AGBL4: variants seen among roughly 807,000 people sequenced by gnomAD.
AGBL4 encodes cytosolic carboxypeptidase 6.
A neutral mutation model predicts 66.4 loss-of-function variants in AGBL4; 58 were observed. The ratio of observed to expected loss-of-function variants is 0.87; its 90% CI spans 0.71 to 1.09. AGBL4 has a LOEUF of 1.09. Ranked by LOEUF, AGBL4 falls within the 50% of genes least tolerant of loss-of-function variation. The pLI is 0.00. For missense variants in AGBL4, 579 were observed against 631.0 expected (o/e 0.92, Z 0.88); for synonymous variants, 234 against 222.9 (o/e 1.05, Z -0.44).
chr1:49,329,431 T>G (rs1645287441), intron 3 of AGBL4, among the ~76,000 whole-genome samples: 1 of 152,110 alleles, frequency 6.6e-6, no homozygotes, highest in Non-Finnish European at 1.5e-5. Flanking sequence ...TTTGGGAGGC[T>G]GAGGCGGGTG....
At chr1:49,410,861 T>C (rs1645300771) in intron 3 of AGBL4, among the ~76,000 whole-genome samples, 1 of 152,202 alleles carries the variant, frequency 6.6e-6, no homozygotes, top group African/African-American at 2.4e-5. Context: ...GGCATGATAC[T>C]CACTGCACTT....
At chr1:49,569,025 A>G (rs1229846020) in intron 3 of AGBL4, among the ~76,000 whole-genome samples, 1 of 152,218 alleles carries the variant, frequency 6.6e-6, no homozygotes, top group South Asian at 2.1e-4. Flanking sequence ...TGATACATAG[A>G]CACAATGGAG....
At chr1:49,068,458 T>A (rs886713634) in intron 4 of AGBL4, among the ~76,000 whole-genome samples, 2 of 145,204 alleles carry the variant, frequency 1.4e-5, no homozygotes, top group African/African-American at 5.1e-5. Flanking sequence ...TCAACTCCCA[T>A]TTATGAGTGA....
At chr1:48,856,740 T>A (rs888066964) in intron 6 of AGBL4, among the ~76,000 whole-genome samples, 2 of 152,350 alleles carry the variant, frequency 1.3e-5, no homozygotes, top group Admixed American at 6.5e-5. Flanking sequence ...ACTTTGTGAA[T>A]ATTTGCAGTA....
chr1:48,899,154 C>T (rs959960939), intron 5 of AGBL4, among the ~76,000 whole-genome samples: 5 of 152,208 alleles, frequency 3.3e-5, no homozygotes, highest in Non-Finnish European at 7.4e-5. Flanking sequence ...CCAGGTAGAA[C>T]GGCGCCAGCC....
intron 3 of AGBL4, among the ~76,000 whole-genome samples, chr1:49,418,417 C>A (rs1043371991): frequency 6.6e-6 from 1 of 152,130 alleles, no homozygotes; most frequent in Non-Finnish European, 1.5e-5. Flanking sequence ...GGTCCCTACC[C>A]TCATGGAGTT....
At chr1:49,402,927 G>A (rs1394774748) in intron 3 of AGBL4, among the ~76,000 whole-genome samples, 1 of 152,168 alleles carries the variant, frequency 6.6e-6, no homozygotes. Flanking sequence ...ATCCTTGAGA[G>A]TGATGCATGT....
At chr1:49,365,045 T>G (rs1644217594) in intron 3 of AGBL4, among the ~76,000 whole-genome samples, 1 of 152,214 alleles carries the variant, frequency 6.6e-6, no homozygotes, top group Non-Finnish European at 1.5e-5. Flanking sequence ...ATTACTATTT[T>G]AATATGAGAG....
chr1:49,951,936 AGAGGGAAGGAAGAAGC>A (rs1167224391), intron 1 of AGBL4, among the ~76,000 whole-genome samples: 3 of 151,830 alleles, frequency 2.0e-5, no homozygotes, highest in African/African-American at 7.2e-5. Context: ...GCTGAATTTC[AGAGGGAAGGAAGAAGC>A]GAGGGAAGGA....
At chr1:49,845,491 C>G (rs141281181) in intron 2 of AGBL4, 1 of 1,575,700 alleles carries the variant, frequency 6.3e-7, no homozygotes, top group African/African-American at 1.3e-5. Context: ...TGGGGAGAAA[C>G]CCTATCAGTG....
intron 2 of AGBL4, among the ~76,000 whole-genome samples, chr1:49,752,239 G>A (rs113581652): frequency 0.049 from 7,411 of 152,116 alleles, 566 homozygotes; most frequent in African/African-American, 0.16. Context: ...TCTTAACACT[G>A]CTTTAGCTGT....
chr1:49,592,844 C>G (rs1644777728), intron 3 of AGBL4, among the ~76,000 whole-genome samples: 1 of 152,134 alleles, frequency 6.6e-6, no homozygotes, highest in South Asian at 2.1e-4. Flanking sequence ...TCTCAAGTAA[C>G]TCAAAACAGA....
At chr1:49,196,789 T>C (rs1326478237) in intron 4 of AGBL4, among the ~76,000 whole-genome samples, 1 of 152,036 alleles carries the variant, frequency 6.6e-6, no homozygotes, top group Non-Finnish European at 1.5e-5. Flanking sequence ...TTTGTTTGTT[T>C]TTGTTGTTTT....
At position 48,653,321 on chromosome 1, in the gene AGBL4, CT is replaced by C. The variant is rs1645962967; in HGVS notation, c.839+15del. On this transcript the variant is annotated intron_variant, in intron 8 of 13. Transcript: ENST00000371839. ...CTATAAGTACTTGCTTCCAAGCATT[CT>C]CCCCAATTCCTTACCTGTAATTGCC... 1.3e-6 allele frequency: 2 copies of C among 1,538,224 alleles called. No individual in the cohort carries two copies. Among genetic ancestry groups the C allele is most frequent in the Non-Finnish European group, 1.8e-6 (2 of 1,134,484 alleles).
chr1:48,684,058 A>G (rs1002835273), intron 6 of AGBL4, among the ~76,000 whole-genome samples: 8 of 152,200 alleles, frequency 5.3e-5, no homozygotes, highest in African/African-American at 1.2e-4. Flanking sequence ...GCCACTGCGT[A>G]TACAGTCCCA....
intron 9 of AGBL4, among the ~76,000 whole-genome samples, chr1:48,618,102 C>T (rs1645349378): frequency 6.6e-6 from 1 of 152,140 alleles, no homozygotes; most frequent in South Asian, 2.1e-4. Flanking sequence ...GCCATGGTAG[C>T]TCACACCTGT....
At chr1:49,436,528 C>G (rs961884456) in intron 3 of AGBL4, among the ~76,000 whole-genome samples, 1 of 151,988 alleles carries the variant, frequency 6.6e-6, no homozygotes, top group Non-Finnish European at 1.5e-5. Context: ...AATTTATCAT[C>G]CATATATCCT....
chr1:48,625,490 C>T (rs950569554), intron 9 of AGBL4, among the ~76,000 whole-genome samples: 8 of 152,104 alleles, frequency 5.3e-5, no homozygotes, highest in Non-Finnish European at 7.3e-5. Flanking sequence ...ATGGGAGCTG[C>T]GGCTGGGGGA....
intron 3 of AGBL4, among the ~76,000 whole-genome samples, chr1:49,267,755 C>T (rs1419576288): frequency 2.0e-5 from 3 of 152,046 alleles, no homozygotes; most frequent in Non-Finnish European, 2.9e-5. Flanking sequence ...TTCCACGTGG[C>T]TGGGAGGCCT....
Sources: allele counts gnomAD v4.1 joint callset (sites outside exome capture counted in the v4.1 genomes callset), GRCh38; gene constraint gnomAD v4.1.1; transcripts MANE v1.5; gene names NCBI Gene and HGNC (gene_info 2026-07-23, HGNC 2026-07-21).